Variants in PTPRR observed in about 807,000 individuals in gnomAD.
PTPRR encodes receptor-type tyrosine-protein phosphatase R.
Under a neutral mutation model 77.2 loss-of-function variants are expected in PTPRR, and 38 were observed. That is an observed-to-expected ratio of 0.49 (90% CI 0.38 to 0.65). The LOEUF is 0.65. Among genes scored for constraint, PTPRR ranks in the 30% least tolerant of loss-of-function variants. PTPRR has a pLI of 0.00. For missense variants in PTPRR, 744 were observed against 799.2 expected (o/e 0.93, Z 0.83); for synonymous variants, 299 against 283.1 (o/e 1.06, Z -0.57).
chr12:70,846,393 C>G (rs1429975461), intron 2 of PTPRR, among the ~76,000 whole-genome samples: 1 of 152,056 alleles, frequency 6.6e-6, no homozygotes, highest in Non-Finnish European at 1.5e-5. Flanking sequence ...AATGTGGAGC[C>G]CTGAACGTAG....
intron 6 of PTPRR, among the ~76,000 whole-genome samples, chr12:70,725,004 A>C (rs1889385170): frequency 6.6e-6 from 1 of 152,178 alleles, no homozygotes; most frequent in African/African-American, 2.4e-5. Context: ...TTGAAATCTC[A>C]TATTCGTCAA....
intron 2 of PTPRR, among the ~76,000 whole-genome samples, chr12:70,781,163 A>G (rs1891195415): frequency 6.6e-6 from 1 of 152,184 alleles, no homozygotes; most frequent in African/African-American, 2.4e-5. Flanking sequence ...GACAGCTGCT[A>G]TGTCTTGGTC....
At chr12:70,868,235 T>A (rs1343071466) in intron 2 of PTPRR, among the ~76,000 whole-genome samples, 1 of 151,680 alleles carries the variant, frequency 6.6e-6, no homozygotes, top group East Asian at 1.9e-4. Flanking sequence ...GAAACTACCA[T>A]CAGAGTGAGC....
At chr12:70,672,270 A>T in intron 10 of PTPRR, 1 of 1,593,876 alleles carries the variant, frequency 6.3e-7, no homozygotes, top group Non-Finnish European at 8.6e-7. Flanking sequence ...TATGTGGACC[A>T]CTGCAAAGAA....
intron 2 of PTPRR, among the ~76,000 whole-genome samples, chr12:70,821,104 G>C (rs1315693392): frequency 6.6e-6 from 1 of 151,598 alleles, no homozygotes. Context: ...TACTAGACTG[G>C]TTGTCCATAT....
At chr12:70,899,972 T>C (rs141633476) in intron 1 of PTPRR, among the ~76,000 whole-genome samples, 236 of 151,532 alleles carry the variant, frequency 1.6e-3, no homozygotes, top group African/African-American at 4.9e-3. Flanking sequence ...TAACAGAACA[T>C]GTGCAAGATA....
intron 2 of PTPRR, among the ~76,000 whole-genome samples, chr12:70,809,052 G>C (rs1236663832): frequency 6.6e-6 from 1 of 152,168 alleles, no homozygotes; most frequent in Non-Finnish European, 1.5e-5. Context: ...TTTCCCGCCA[G>C]AAGGGTTGGA....
intron 1 of PTPRR, among the ~76,000 whole-genome samples, chr12:70,908,621 A>G (rs1379599655): frequency 6.6e-6 from 1 of 152,206 alleles, no homozygotes; most frequent in Non-Finnish European, 1.5e-5. Context: ...GGGGATTATG[A>G]GAACTACAAT....
At chr12:70,686,274 G>A (rs1887866773) in intron 8 of PTPRR, among the ~76,000 whole-genome samples, 3 of 152,072 alleles carry the variant, frequency 2.0e-5, no homozygotes, top group Admixed American at 2.0e-4. Flanking sequence ...AGTACTAGAC[G>A]AAGAAAGTTT....
intron 1 of PTPRR, among the ~76,000 whole-genome samples, chr12:70,911,958 C>T (rs1356535309): frequency 6.6e-6 from 1 of 152,166 alleles, no homozygotes; most frequent in Non-Finnish European, 1.5e-5. Context: ...ACTTAACTCT[C>T]AACTACTATG....
At chr12:70,880,078 A>G (rs1241488409) in intron 2 of PTPRR, among the ~76,000 whole-genome samples, 1 of 152,212 alleles carries the variant, frequency 6.6e-6, no homozygotes, top group Non-Finnish European at 1.5e-5. Flanking sequence ...TAGGAGAAAT[A>G]CAAGTTTTCT....
At chr12:70,650,421 C>T (rs1016061280) in intron 13 of PTPRR, among the ~76,000 whole-genome samples, 8 of 151,244 alleles carry the variant, frequency 5.3e-5, no homozygotes, top group African/African-American at 7.3e-5. Flanking sequence ...GAAAGAAATT[C>T]CATCTCAAAA....
chr12:70,728,030 C>G (rs1889505776), intron 6 of PTPRR, among the ~76,000 whole-genome samples: 1 of 146,184 alleles, frequency 6.8e-6, no homozygotes, highest in Non-Finnish European at 1.5e-5. Flanking sequence ...CTACCTCTTC[C>G]CTAAGGCCCC....
chr12:70,684,599 G>T (rs1887791424), intron 9 of PTPRR, 105 bp downstream of exon 9: 3 of 790,896 alleles, frequency 3.8e-6, no homozygotes, highest in Non-Finnish European at 6.1e-6. Flanking sequence ...AAATCTTGCT[G>T]GTAATCAAGT....
intron 10 of PTPRR, chr12:70,672,963 G>T: frequency 7.5e-7 from 1 of 1,338,208 alleles, no homozygotes. Flanking sequence ...TGCCAGCCCT[G>T]TAAGCCTCCT....
intron 2 of PTPRR, among the ~76,000 whole-genome samples, chr12:70,773,877 A>G (rs1891034787): frequency 6.6e-6 from 1 of 152,268 alleles, no homozygotes; most frequent in Admixed American, 6.5e-5. Context: ...TTTAATGCAG[A>G]AAGTAAGACT....
chr12:70,705,680 G>T (rs140907163), intron 6 of PTPRR, among the ~76,000 whole-genome samples: 283 of 152,020 alleles, frequency 1.9e-3, no homozygotes, highest in African/African-American at 6.5e-3. Flanking sequence ...ATTATAAGAA[G>T]AATTTAGTAC....
chr12:70,739,058 G>A (rs1889964732), intron 6 of PTPRR, among the ~76,000 whole-genome samples: 1 of 152,122 alleles, frequency 6.6e-6, no homozygotes, highest in African/African-American at 2.4e-5. Context: ...TAAATTACAT[G>A]TAACTGTATA....
intron 2 of PTPRR, among the ~76,000 whole-genome samples, chr12:70,772,758 T>A (rs1302117516): frequency 6.6e-6 from 1 of 152,146 alleles, no homozygotes; most frequent in African/African-American, 2.4e-5. Flanking sequence ...AGCCCAGTAA[T>A]AGGCAACAAT....
Sources: gnomAD v4.1 joint callset for allele counts (sites outside exome capture counted in the v4.1 genomes callset) on GRCh38, gnomAD v4.1.1 for gene constraint, MANE v1.5 for transcripts, NCBI Gene and HGNC (gene_info 2026-07-23, HGNC 2026-07-21) for gene names.